KLHL32: variants seen among roughly 807,000 people sequenced by gnomAD.
KLHL32 encodes kelch like family member 32, also known as kelch-like protein 32.
Under a neutral mutation model 64.8 loss-of-function variants are expected in KLHL32, and 35 were observed. That is an observed-to-expected ratio of 0.54 (90% CI 0.41 to 0.72). The LOEUF is 0.72. Ranked by LOEUF, KLHL32 falls within the 30% of genes least tolerant of loss-of-function variation. The pLI is 0.00. For synonymous variants in KLHL32, 259 were observed against 281.0 expected (o/e 0.92, Z 0.78); for missense variants, 589 against 768.5 (o/e 0.77, Z 2.76).
At chr6:96,924,414 G>A (rs1430518116), upstream of KLHL32, among the ~76,000 whole-genome samples, 1 of 150,738 alleles carries the variant, frequency 6.6e-6, no homozygotes, top group Non-Finnish European at 1.5e-5. Flanking sequence ...GGAGGGCGGC[G>A]TGGAGGAGGG....
At chr6:97,069,184 G>A (rs1790303908) in intron 5 of KLHL32, among the ~76,000 whole-genome samples, 1 of 152,130 alleles carries the variant, frequency 6.6e-6, no homozygotes. Flanking sequence ...AGAAGCCAAG[G>A]AGGAACATAA....
At chr6:96,951,428 G>T (rs907607813) in intron 1 of KLHL32, among the ~76,000 whole-genome samples, 1 of 152,102 alleles carries the variant, frequency 6.6e-6, no homozygotes, top group Admixed American at 6.5e-5. Flanking sequence ...GCAGTATGTT[G>T]TTTCTAGGTC....
chr6:97,109,390 A>G (rs1796827211), intron 6 of KLHL32, among the ~76,000 whole-genome samples: 1 of 152,228 alleles, frequency 6.6e-6, no homozygotes, highest in African/African-American at 2.4e-5. Flanking sequence ...AATGCAAACT[A>G]ATAGTTATGC....
chr6:97,045,506 A>G (rs1446109220), intron 4 of KLHL32, among the ~76,000 whole-genome samples: 5 of 152,174 alleles, frequency 3.3e-5, no homozygotes, highest in African/African-American at 1.2e-4. Context: ...AAACTACCCA[A>G]GTAAATAATA....
the KLHL32 span, among the ~76,000 whole-genome samples, chr6:96,910,807 T>C: frequency 6.6e-6 from 1 of 152,192 alleles, no homozygotes; most frequent in Non-Finnish European, 1.5e-5. Context: ...ATGCAGTTTG[T>C]TGATAAAATA....
intron 3 of KLHL32, among the ~76,000 whole-genome samples, chr6:96,990,735 T>TAAC (rs1777757367): frequency 6.6e-6 from 1 of 151,032 alleles, no homozygotes; most frequent in Admixed American, 6.6e-5. Flanking sequence ...GTTGGGCAGC[T>TAAC]GTGTTATGGG....
At chr6:97,000,244 T>C (rs1211734351) in intron 3 of KLHL32, among the ~76,000 whole-genome samples, 1 of 152,166 alleles carries the variant, frequency 6.6e-6, no homozygotes, top group Non-Finnish European at 1.5e-5. Context: ...ACTCTAAGGG[T>C]GTTATATAAA....
At chr6:96,992,596 G>T (rs771908724) in intron 3 of KLHL32, among the ~76,000 whole-genome samples, 8 of 152,190 alleles carry the variant, frequency 5.3e-5, no homozygotes, top group Non-Finnish European at 8.8e-5. Flanking sequence ...AGGGGAGAGC[G>T]TATCAATACG....
intron 6 of KLHL32, among the ~76,000 whole-genome samples, chr6:97,091,921 T>C (rs1031579102): frequency 3.3e-5 from 5 of 152,022 alleles, no homozygotes; most frequent in South Asian, 2.1e-4. Flanking sequence ...AGAACTCTTA[T>C]CCTCAAACAA....
At position 97,064,668 on chromosome 6, in the gene KLHL32, C is replaced by G. The variant is rs760800476; in HGVS notation, c.353C>G (p.Ala118Gly). 3.7e-6 allele frequency: 6 copies of G among 1,614,100 alleles called. No homozygotes were observed. Among genetic ancestry groups the G allele is most frequent in the Non-Finnish European group, 2.5e-6 (3 of 1,179,970 alleles). Residue 118 changes from alanine (A) to glycine (G), a missense_variant, in exon 5 of 11, where the codon GCG (alanine) becomes GGG (glycine). Transcript: ENST00000369261. ...GGTGTGATCCAGGATGTGCTAGCAG[C>G]GGGCAGTCACCTACAGCTGTTGGAG... is the stretch of plus-strand genomic sequence containing the variant. ...EPGVIQDVLA[A>G]GSHLQLLELL... is the part of the protein sequence containing the mutation.
At chr6:97,108,133 G>A (rs756784653) in intron 6 of KLHL32, among the ~76,000 whole-genome samples, 72 of 152,284 alleles carry the variant, frequency 4.7e-4, no homozygotes, top group Non-Finnish European at 2.8e-4. Context: ...GCACTCTTTC[G>A]TAATGTCCTC....
chr6:97,026,371 CAAA>C (rs879741013), intron 3 of KLHL32, among the ~76,000 whole-genome samples: 1 of 139,032 alleles, frequency 7.2e-6, no homozygotes, highest in Non-Finnish European at 1.6e-5. Context: ...GACCCTGTCT[CAAA>C]AAAAAAAAAA....
chr6:96,980,208 G>C (rs1189405347), intron 3 of KLHL32, among the ~76,000 whole-genome samples: 9 of 152,118 alleles, frequency 5.9e-5, no homozygotes, highest in Non-Finnish European at 1.3e-4. Context: ...TGTTGAATAG[G>C]AGTGCTGAGG....
chr6:96,971,653 T>C (rs1234695280), intron 2 of KLHL32, among the ~76,000 whole-genome samples: 5 of 151,978 alleles, frequency 3.3e-5, no homozygotes, highest in African/African-American at 1.2e-4. Flanking sequence ...AGGGCCTATG[T>C]GGGGTCCTGT....
chr6:97,098,570 A>G (rs1285723807), intron 6 of KLHL32, among the ~76,000 whole-genome samples: 2 of 152,236 alleles, frequency 1.3e-5, no homozygotes, highest in Non-Finnish European at 2.9e-5. Flanking sequence ...TTTTAATAGT[A>G]AAGAGAGTCA....
chr6:97,116,558 G>A (rs1797824156), intron 7 of KLHL32, among the ~76,000 whole-genome samples: 1 of 151,970 alleles, frequency 6.6e-6, no homozygotes. Flanking sequence ...TCTAAGTTTT[G>A]TATGAATTTC....
chr6:97,006,318 C>G (rs576761551), intron 3 of KLHL32, among the ~76,000 whole-genome samples: 6 of 152,174 alleles, frequency 3.9e-5, no homozygotes, highest in Admixed American at 1.3e-4. Flanking sequence ...TTGCCTGATA[C>G]TAGAATAGAA....
At chr6:97,034,334 T>A (rs1166858141) in intron 3 of KLHL32, among the ~76,000 whole-genome samples, 5 of 152,098 alleles carry the variant, frequency 3.3e-5, no homozygotes, top group African/African-American at 1.2e-4. Flanking sequence ...CATAGATGCA[T>A]GGATTTATTT....
intron 3 of KLHL32, among the ~76,000 whole-genome samples, chr6:97,007,286 C>T (rs1054705443): frequency 1.3e-5 from 2 of 152,010 alleles, no homozygotes; most frequent in Admixed American, 6.6e-5. Flanking sequence ...TCATTTCTGC[C>T]GTTAGTACTT....
Sources: allele counts gnomAD v4.1 joint callset (sites outside exome capture counted in the v4.1 genomes callset), GRCh38; gene constraint gnomAD v4.1.1; transcripts MANE v1.5; gene names NCBI Gene and HGNC (gene_info 2026-07-23, HGNC 2026-07-21).